The following GGA3 variants were observed in gnomAD, a reference collection of about 807,000 sequenced individuals.
GGA3 encodes the protein ADP-ribosylation factor-binding protein GGA3.
In GGA3, 57 loss-of-function variants were observed where a neutral mutation model predicts 77.5. The ratio of observed to expected loss-of-function variants is 0.74; its 90% CI spans 0.59 to 0.92. The LOEUF (loss-of-function observed/expected upper bound fraction) is 0.92. GGA3 is among the 40% of genes least tolerant of loss of function. The probability of loss-of-function intolerance (pLI) is 0.00; values close to 1 mark genes in which losing one functional copy is unlikely to be tolerated. For missense variants in GGA3, 970 were observed against 914.9 expected (o/e 1.06, Z -0.78); for synonymous variants, 416 against 383.7 (o/e 1.08, Z -0.98).
intron 1 of GGA3, among the ~76,000 whole-genome samples, chr17:75,248,275 T>C (rs1052495675): frequency 3.5e-5 from 5 of 141,912 alleles, no homozygotes; most frequent in African/African-American, 1.3e-4. Flanking sequence ...ATCGAGACCA[T>C]CCTGGTTAAC....
intron 3 of GGA3, 31 bp from the exon 4 acceptor site, chr17:75,244,748 G>A: frequency 6.6e-7 from 1 of 1,514,552 alleles, no homozygotes; most frequent in African/African-American, 1.4e-5. Flanking sequence ...GGCGCTCAGT[G>A]AGGGCGTGCT....
chr17:75,238,912 A>C lies in GGA3; in HGVS notation c.1950+2T>G. The C allele has an allele frequency of 1.2e-6, 2 of 1,613,708 alleles. No homozygotes were observed. The highest frequency in any genetic ancestry group is 8.5e-7 in the Non-Finnish European group (1 of 1,179,794). ...GTTTTGGCCCCAGGGAGACACTGGT[A>C]CCTTGGGCACTGCAGCCTGCAGCAC... On this transcript the variant is annotated splice_donor_variant, in intron 15 of 16. Transcript: ENST00000537686. LOFTEE classifies it high-confidence loss of function.
chr17:75,239,648 A>G lies in GGA3; in HGVS notation c.1584-77T>C, dbSNP rs563540537. The G allele has an allele frequency of 4.7e-5, 68 of 1,452,392 alleles. 1 individual carries two copies. In the South Asian group the frequency reaches 6.2e-4, roughly 13 times the overall value. The allele number at this position is 1,452,392 out of a possible 1,614,324, so 90.0% of individuals were successfully genotyped here. On this transcript the variant is annotated intron_variant, in intron 13 of 16. Coordinates refer to ENST00000537686, the MANE Select transcript of GGA3 (RefSeq NM_138619.4). ...GGACTCTCACCCAAGGCCCCTGACC[A>G]TGCTCTTACCCAGGCCCACCCCTTG...
rs1032635331 is a variant in GGA3, at chr17:75,240,540, G to A, written c.1193-128C>T. 4.9e-5 allele frequency: 34 copies of A among 692,542 alleles called. No homozygotes were observed. In the Admixed American group the frequency reaches 6.5e-4, roughly 13 times the overall value. 42.9% of individuals were successfully genotyped at this position (692,542 alleles called of 1,614,324 possible). ...TGAAGGCGCCGGGAGAAGCTGTTCT[G>A]CAGGCAGCCTCCAGAGGGGAATGGA... On this transcript the variant is annotated intron_variant, in intron 11 of 16. Coordinates refer to ENST00000537686, the MANE Select transcript of GGA3 (RefSeq NM_138619.4).
chr17:75,256,713 C>T (rs2077163428), intron 1 of GGA3, among the ~76,000 whole-genome samples: 1 of 152,092 alleles, frequency 6.6e-6, no homozygotes, highest in Non-Finnish European at 1.5e-5. Context: ...TTCTACTACT[C>T]CTCAGGGATT....
Position 75,238,097 on chromosome 17 carries a change from G to A in GGA3, c.*182C>T. On this transcript the variant is annotated 3_prime_UTR_variant, in exon 17 of 17. Coordinates refer to ENST00000537686, the MANE Select transcript of GGA3 (RefSeq NM_138619.4). ...AGGTAGATAAAAACAGGTCCTTTTAGGGGCCAAAGGAGAGGTTATCACAGC... is the reference window on the plus strand; with the variant it reads ...AGGTAGATAAAAACAGGTCCTTTTAAGGGCCAAAGGAGAGGTTATCACAGC... The A allele has an allele frequency of 5.0e-6, 7 of 1,396,826 alleles. No homozygotes were observed. Among genetic ancestry groups the A allele is most frequent in the Non-Finnish European group, 4.6e-6 (5 of 1,079,116 alleles). The allele number at this position is 1,396,826 out of a possible 1,614,324, so 86.5% of individuals were successfully genotyped here. A position where few individuals can be genotyped will look rare whatever the true frequency, so the allele number is the denominator to read the frequency against.
At position 75,237,524 on chromosome 17, in the gene GGA3, T is replaced by TA; in HGVS notation, c.*754dup. 6.5e-7 allele frequency: 1 copy of TA among 1,535,676 alleles called. No homozygotes were observed. The highest frequency in any genetic ancestry group is 8.7e-7 in the Non-Finnish European group (1 of 1,146,514). On this transcript the variant is annotated 3_prime_UTR_variant, in exon 17 of 17. Transcript: ENST00000537686. ...GGCACGCTTTTCCCAGAAAGCTGAG[T>TA]ACCTGCTTCTGGAGAAGGGGAAATA...
chr17:75,261,808 T>G (rs751256830), upstream of GGA3: 4 of 1,364,686 alleles, frequency 2.9e-6, no homozygotes, highest in Non-Finnish European at 4.0e-6. Flanking sequence ...GAAACGCAGA[T>G]TTAGGACCCT....
At chr17:75,256,592 A>AG (rs2077159507) in intron 1 of GGA3, among the ~76,000 whole-genome samples, 1 of 152,142 alleles carries the variant, frequency 6.6e-6, no homozygotes, top group African/African-American at 2.4e-5. Flanking sequence ...ACAGCAGCAA[A>AG]GGCAGGCTAT....
chr17:75,241,263 G>A, intron 10 of GGA3, 137 bp downstream of exon 10: 1 of 776,586 alleles, frequency 1.3e-6, no homozygotes, highest in Admixed American at 2.3e-5. Flanking sequence ...GGAAGCCGGA[G>A]GATTGCTTGG....
At chr17:75,256,305 A>G (rs2077149574) in intron 1 of GGA3, among the ~76,000 whole-genome samples, 1 of 151,820 alleles carries the variant, frequency 6.6e-6, no homozygotes, top group African/African-American at 2.4e-5. Flanking sequence ...ATAACTTCCA[A>G]TATTATTTTC....
intron 1 of GGA3, among the ~76,000 whole-genome samples, chr17:75,249,599 G>A (rs2076890775): frequency 6.6e-6 from 1 of 152,146 alleles, no homozygotes; most frequent in Non-Finnish European, 1.5e-5. Flanking sequence ...ATTCCTATCA[G>A]GTGCTTAAAG....
At chr17:75,242,677 T>C (rs147320850) in intron 7 of GGA3, among the ~76,000 whole-genome samples, 154 bp downstream of exon 7, 80 of 152,280 alleles carry the variant, frequency 5.3e-4, no homozygotes, top group African/African-American at 1.9e-3. Flanking sequence ...GCGGAAGCTA[T>C]TGTGCTCCTC....
intron 16 of GGA3, 97 bp from the exon 17 acceptor site, chr17:75,238,486 T>G: frequency 8.9e-7 from 1 of 1,124,366 alleles, no homozygotes; most frequent in South Asian, 1.4e-5. Flanking sequence ...GAATGGTCCC[T>G]TTTCCCCGCA....
At chr17:75,248,826 A>ACC in intron 1 of GGA3, 1 of 965,848 alleles carries the variant, frequency 1.0e-6, no homozygotes. Flanking sequence ...CAAAACAAAA[A>ACC]AAAAAAAACT....
chr17:75,237,211 C>T lies in GGA3; in HGVS notation c.*1068G>A, dbSNP rs911277706. ...CTGGTGACTCAGCTCAAGTGTGGCC[C>T]GATCTCATCACCTCCAGACCCAACA... On this transcript the variant is annotated 3_prime_UTR_variant, in exon 17 of 17. Coordinates refer to ENST00000537686, the MANE Select transcript of GGA3 (RefSeq NM_138619.4). 3 of 575,936 alleles carry T rather than the reference C, an allele frequency of 5.2e-6. No individual in the cohort carries two copies. Among genetic ancestry groups the T allele is most frequent in the Non-Finnish European group, 9.3e-6 (3 of 321,668 alleles). 35.7% of individuals were successfully genotyped at this position (575,936 alleles called of 1,614,324 possible).
chr17:75,252,897 C>T (rs1480519465), intron 1 of GGA3, among the ~76,000 whole-genome samples: 17 of 152,214 alleles, frequency 1.1e-4, no homozygotes, highest in Non-Finnish European at 1.8e-4. Flanking sequence ...CTTAACTTCA[C>T]CGCCTATCCC....
rs1322919968 is a variant in GGA3, at chr17:75,243,068, A to T, written c.523T>A (p.Ser175Thr). Reference protein sequence around the residue: ...KNPVFDDEEKSKLLAKLLKSK... With the variant: ...KNPVFDDEEKTKLLAKLLKSK... ...AGGCCCAGGGTGTCCTTTACCTTGG[A>T]CTTCTCCTCATCATCAAAAACAGGG... Residue 175 changes from serine (S) to threonine (T), a missense_variant, in exon 6 of 17, where the codon TCC (serine) becomes ACC (threonine). Ser to Thr is a moderately conservative substitution (Grantham distance 58). Coordinates refer to ENST00000537686, the MANE Select transcript of GGA3 (RefSeq NM_138619.4). 1 of 1,609,772 alleles carries T rather than the reference A, an allele frequency of 6.2e-7. No homozygotes were observed. The highest frequency in any genetic ancestry group is 2.2e-5 in the East Asian group (1 of 44,850).
In GGA3 at chr17:75,244,730, A is replaced by G. The variant is rs1433164574; in HGVS notation, c.202-13T>C. 1 of 1,597,564 alleles carries G rather than the reference A, an allele frequency of 6.3e-7. No homozygotes were observed. Among genetic ancestry groups the G allele is most frequent in the East Asian group, 2.2e-5 (1 of 44,828 alleles). On this transcript the variant is annotated splice_polypyrimidine_tract_variant and intron_variant, in intron 3 of 16. Coordinates refer to ENST00000537686, the MANE Select transcript of GGA3 (RefSeq NM_138619.4). The stretch of plus-strand genomic sequence containing the variant: ...ATGCCTCCAGCACCTGTAGCCGCAC[A>G]GAGGAGAGGCGCTCAGTGAGGGCGT...
Sources: gnomAD v4.1 joint callset for allele counts (sites outside exome capture counted in the v4.1 genomes callset) on GRCh38, gnomAD v4.1.1 for gene constraint, MANE v1.5 for transcripts, NCBI Gene and HGNC (gene_info 2026-07-23, HGNC 2026-07-21) for gene names.